Variants in ADAM17 observed in about 807,000 individuals in gnomAD.
ADAM17 encodes disintegrin and metalloproteinase domain-containing protein 17.
Under a neutral mutation model 96.7 loss-of-function variants are expected in ADAM17, and 39 were observed. The observed-to-expected ratio is 0.40, with a 90% CI of 0.31 to 0.53. ADAM17 has a LOEUF of 0.53. Ranked by LOEUF, ADAM17 falls within the 20% of genes least tolerant of loss-of-function variation. The pLI is 0.44. For synonymous variants in ADAM17, 344 were observed against 359.2 expected (o/e 0.96, Z 0.48); for missense variants, 777 against 1,013.2 (o/e 0.77, Z 3.17).
intron 1 of ADAM17, among the ~76,000 whole-genome samples, chr2:9,554,561 T>C (rs1468951483): frequency 1.3e-5 from 2 of 152,222 alleles, no homozygotes; most frequent in African/African-American, 4.8e-5. Context: ...ATGGTGAAAT[T>C]TGGGAACCAG....
intron 8 of ADAM17, among the ~76,000 whole-genome samples, chr2:9,520,431 A>C (rs916849765): frequency 1.3e-5 from 2 of 152,162 alleles, no homozygotes; most frequent in Non-Finnish European, 2.9e-5. Context: ...AAAAATTTTA[A>C]ATTCCTGTAG....
At chr2:9,526,871 C>A (rs1413451603) in intron 5 of ADAM17, among the ~76,000 whole-genome samples, 1 of 152,114 alleles carries the variant, frequency 6.6e-6, no homozygotes, top group Non-Finnish European at 1.5e-5. Context: ...AGCTGTCAGT[C>A]ATATTCTACA....
intron 10 of ADAM17, among the ~76,000 whole-genome samples, chr2:9,516,106 C>T (rs2125016075): frequency 6.6e-6 from 1 of 152,252 alleles, no homozygotes; most frequent in East Asian, 1.9e-4. Context: ...ACATATGACG[C>T]TGAGCATCTT....
At chr2:9,499,110 CTTCTTTTTTT>C (rs755144209) in intron 13 of ADAM17, among the ~76,000 whole-genome samples, 1 of 138,684 alleles carries the variant, frequency 7.2e-6, no homozygotes, top group Non-Finnish European at 1.5e-5. Flanking sequence ...TTTCTTTCTT[CTTCTTTTTTT>C]TTTTTTTTTT....
At position 9,509,153 on chromosome 2, in the gene ADAM17, A is replaced by G. The variant is rs544271462; in HGVS notation, c.1344+826T>C. The stretch of plus-strand genomic sequence containing the variant: ...CACAGCCAAGCTCAAAATAGGAGTC[A>G]GGACAAATACTTCACAATCTTTTGT... On this transcript the variant is annotated intron_variant, in intron 11 of 18. Coordinates refer to ENST00000310823, the MANE Select transcript of ADAM17 (RefSeq NM_003183.6). 3.9e-5 allele frequency among the ~76,000 whole-genome samples: 6 copies of G among 152,338 alleles called. No homozygotes were observed. In the South Asian group the frequency reaches 1.2e-3, roughly 32 times the overall value.
intron 2 of ADAM17, among the ~76,000 whole-genome samples, chr2:9,540,812 G>A (rs1166243853): frequency 6.6e-6 from 1 of 152,156 alleles, no homozygotes; most frequent in African/African-American, 2.4e-5. Flanking sequence ...GATGCTCAAT[G>A]TCACACAAAA....
intron 13 of ADAM17, among the ~76,000 whole-genome samples, chr2:9,498,046 T>C (rs2124979375): frequency 6.6e-6 from 1 of 152,340 alleles, no homozygotes; most frequent in African/African-American, 2.4e-5. Context: ...TATTTTTCTT[T>C]TGAGACAGGG....
rs1661886637 is a variant in ADAM17 at position 9,489,310 on chromosome 2, G to T, written c.*867C>A. The stretch of plus-strand genomic sequence containing the variant: ...AGGCAGAGTCTCACTCTGTCACCCA[G>T]GCTGGAGTGTAGTGGCGCAACCTCA... On this transcript the variant is annotated 3_prime_UTR_variant, in exon 19 of 19. Coordinates refer to ENST00000310823, the MANE Select transcript of ADAM17 (RefSeq NM_003183.6). 7.3e-6 allele frequency: 1 copy of T among 137,464 alleles called. No individual in the cohort carries two copies. The highest frequency in any genetic ancestry group is 1.5e-5 in the Non-Finnish European group (1 of 66,688). 8.5% of individuals were successfully genotyped at this position (137,464 alleles called of 1,614,324 possible). A position where few individuals can be genotyped will look rare whatever the true frequency, so the allele number is the denominator to read the frequency against.
chr2:9,525,177 T>C lies in ADAM17; in HGVS notation c.753+934A>G, dbSNP rs3762534. Reference sequence around the variant, plus strand: ...GGCCGAGTGCTGTGGTTCACGCCTGTAATTCCAGCTACTTGTGATGCTGAG... The same window carrying C: ...GGCCGAGTGCTGTGGTTCACGCCTGCAATTCCAGCTACTTGTGATGCTGAG... On this transcript the variant is annotated intron_variant, in intron 6 of 18. Coordinates refer to ENST00000310823, the MANE Select transcript of ADAM17 (RefSeq NM_003183.6). 2.6e-5 allele frequency among the ~76,000 whole-genome samples: 4 copies of C among 151,898 alleles called. No individual in the cohort carries two copies. In the East Asian group the frequency reaches 7.8e-4, roughly 29 times the overall value.
rs759491821 is a variant in ADAM17, at chr2:9,505,216, G to A, written c.1494C>T (p.Asn498=). The change falls in exon 12 of 19, where the codon AAC becomes AAT. Residue 498 remains asparagine, a synonymous_variant. Coordinates refer to ENST00000310823, the MANE Select transcript of ADAM17 (RefSeq NM_003183.6). ...TGCAGTCGCTGTTGCAGCAGGTGTC[G>A]TTGTTCAGATACATGATGCCAGGAT... ...ECDPGIMYLN[N]DTCCNSDCTL... is the part of the protein sequence containing the mutation. 2.0e-5 allele frequency: 32 copies of A among 1,614,010 alleles called. No individual in the cohort carries two copies. Among genetic ancestry groups the A allele is most frequent in the African/African-American group, 5.3e-5 (4 of 74,900 alleles).
chr2:9,490,308 A>AG lies in ADAM17; in HGVS notation c.2343dup (p.Phe782LeufsTer4), dbSNP rs779871088. Reference sequence around the variant, plus strand: ...TTGGCAGCTGTGCTGCTATTTGGGAAGGGGTCCTTCTCAAACCCATCCTCG... The same window carrying AG: ...TTGGCAGCTGTGCTGCTATTTGGGAAGGGGGTCCTTCTCAAACCCATCCTCG... On this transcript the variant is annotated frameshift_variant, in exon 19 of 19. Coordinates refer to ENST00000310823, the MANE Select transcript of ADAM17 (RefSeq NM_003183.6). LOFTEE classifies it high-confidence loss of function. 2.5e-6 allele frequency: 4 copies of AG among 1,614,162 alleles called. No individual in the cohort carries two copies. The East Asian group carries it at 6.7e-5, about 27-fold the overall frequency.
chr2:9,543,598 A>C (rs376367235), intron 1 of ADAM17, among the ~76,000 whole-genome samples: 4 of 152,348 alleles, frequency 2.6e-5, no homozygotes, highest in African/African-American at 9.6e-5. Context: ...TGGACTTAGA[A>C]GGTCCTCAAA....
At position 9,490,271 on chromosome 2, in the gene ADAM17, T is replaced by G; in HGVS notation, c.2381A>C (p.Asp794Ala). 1.2e-6 allele frequency: 2 copies of G among 1,614,136 alleles called. No individual in the cohort carries two copies. The highest frequency in any genetic ancestry group is 1.6e-4 in the Middle Eastern group (1 of 6,062). Residue 794 changes from aspartate (D) to alanine (A), a missense_variant, in exon 19 of 19, where the codon GAT (aspartate) becomes GCT (alanine). Physicochemically the swap from Asp to Ala is moderately radical, Grantham distance 126 (BLOSUM62 -2). Transcript: ENST00000310823. ...TCTGGTGACCGGATGGTCCGTGAGA[T>G]CCTCAAATGACTTGGCAGCTGTGCT... ...NSSTAAKSFE[D>A]LTDHPVTRSE...
chr2:9,514,566 T>TAA (rs1663952327), intron 10 of ADAM17, among the ~76,000 whole-genome samples: 2 of 92,350 alleles, frequency 2.2e-5, no homozygotes, highest in African/African-American at 8.2e-5. Context: ...TATATATATA[T>TAA]ATAAATAAAA....
At chr2:9,539,293 G>C (rs1291040223) in intron 2 of ADAM17, among the ~76,000 whole-genome samples, 1 of 152,004 alleles carries the variant, frequency 6.6e-6, no homozygotes, top group East Asian at 1.9e-4. Flanking sequence ...ATTTTTAGTA[G>C]AGACGGGGTT....
At chr2:9,499,644 T>A (rs947986384) in intron 13 of ADAM17, among the ~76,000 whole-genome samples, 2 of 152,174 alleles carry the variant, frequency 1.3e-5, no homozygotes, top group Admixed American at 1.3e-4. Flanking sequence ...TCTCGTGATC[T>A]GCCCACCTCG....
chr2:9,499,479 GCAAGCTCCGCC>G (rs925872468), intron 13 of ADAM17, among the ~76,000 whole-genome samples: 2 of 151,928 alleles, frequency 1.3e-5, no homozygotes, highest in Admixed American at 6.6e-5. Flanking sequence ...TCGGCTCACT[GCAAGCTCCGCC>G]TCCCGGGTTC....
chr2:9,526,936 T>C (rs954711929), intron 5 of ADAM17, among the ~76,000 whole-genome samples: 1 of 152,228 alleles, frequency 6.6e-6, no homozygotes, highest in African/African-American at 2.4e-5. Context: ...GATATTCACA[T>C]TGAAAATTAG....
chr2:9,535,471 AGT>A (rs1664923125), intron 4 of ADAM17, among the ~76,000 whole-genome samples: 1 of 152,188 alleles, frequency 6.6e-6, no homozygotes, highest in Non-Finnish European at 1.5e-5. Flanking sequence ...TAGCATTTCC[AGT>A]GTGTCTAGCA....
Sources: allele counts gnomAD v4.1 joint callset (sites outside exome capture counted in the v4.1 genomes callset), GRCh38; gene constraint gnomAD v4.1.1; transcripts MANE v1.5; gene names NCBI Gene and HGNC (gene_info 2026-07-23, HGNC 2026-07-21).